The following SPATA13 variants were observed in gnomAD, a reference collection of about 807,000 sequenced individuals.
The protein encoded by SPATA13 is spermatogenesis-associated protein 13.
SPATA13 carries 50 observed loss-of-function variants against 104.0 expected under a neutral mutation model. The ratio of observed to expected loss-of-function variants is 0.48; its 90% CI spans 0.38 to 0.61. SPATA13 has a LOEUF of 0.61. SPATA13 is among the 20% of genes least tolerant of loss of function. The pLI is 0.00. For missense variants in SPATA13, 1,524 were observed against 1,690.6 expected (o/e 0.90, Z 1.73); for synonymous variants, 606 against 667.5 (o/e 0.91, Z 1.42).
At chr13:23,999,038 G>T (rs771293565) in intron 2 of SPATA13, among the ~76,000 whole-genome samples, 2 of 150,842 alleles carry the variant, frequency 1.3e-5, no homozygotes, top group Admixed American at 1.3e-4. Context: ...CAATTCTTAC[G>T]CCTCAGCCTC....
chr13:24,279,616 A>G (rs1158610590), intron 4 of SPATA13, among the ~76,000 whole-genome samples: 1 of 152,226 alleles, frequency 6.6e-6, no homozygotes, highest in Non-Finnish European at 1.5e-5. Context: ...AACTTGAATC[A>G]GATCTGCCAG....
intron 3 of SPATA13, among the ~76,000 whole-genome samples, chr13:24,121,901 G>T (rs1195108213): frequency 4.6e-5 from 7 of 151,920 alleles, no homozygotes; most frequent in African/African-American, 1.2e-4. Context: ...TTCTTTTCCA[G>T]TGCCAGGTTG....
chr13:23,988,245 C>A (rs569594764), intron 2 of SPATA13, among the ~76,000 whole-genome samples: 4 of 152,314 alleles, frequency 2.6e-5, no homozygotes, highest in African/African-American at 7.2e-5. Context: ...CTGCGCCCAG[C>A]CAATTTTGTT....
At chr13:24,181,981 G>C (rs1868846703) in intron 1 of SPATA13, among the ~76,000 whole-genome samples, 1 of 152,122 alleles carries the variant, frequency 6.6e-6, no homozygotes, top group Admixed American at 6.5e-5. Context: ...CGGATGTGGT[G>C]GCACTCTCCT....
At chr13:23,989,514 A>G (rs1415230869) in intron 2 of SPATA13, among the ~76,000 whole-genome samples, 2 of 152,196 alleles carry the variant, frequency 1.3e-5, no homozygotes, top group Non-Finnish European at 2.9e-5. Flanking sequence ...AACCCAAAAT[A>G]GCGTATTATT....
At chr13:24,189,691 A>AAAG (rs1566140430) in intron 1 of SPATA13, among the ~76,000 whole-genome samples, 1 of 14,198 alleles carries the variant, frequency 7.0e-5, no homozygotes, top group Admixed American at 1.7e-3. Context: ...TTTATATATA[A>AAAG]TATATAATAT....
intron 3 of SPATA13, 65 bp from the exon 4 acceptor site, chr13:24,251,653 G>T: frequency 6.3e-7 from 1 of 1,593,606 alleles, no homozygotes; most frequent in South Asian, 1.1e-5. Flanking sequence ...CGCTATGCGT[G>T]TGAGGTGCTT....
chr13:24,237,984 CATGTATAAT>C (rs1300406000), intron 2 of SPATA13, among the ~76,000 whole-genome samples: 589 of 144,740 alleles, frequency 4.1e-3, no homozygotes, highest in Admixed American at 5.2e-3. Context: ...AATATATAAA[CATGTATAAT>C]ATATATATAT....
At chr13:23,995,863 G>A (rs941133878) in intron 2 of SPATA13, among the ~76,000 whole-genome samples, 4 of 152,094 alleles carry the variant, frequency 2.6e-5, no homozygotes, top group African/African-American at 7.2e-5. Flanking sequence ...CTTGAACTGC[G>A]TGGAGGAAGT....
At chr13:24,217,804 G>A (rs1871340602) in intron 1 of SPATA13, among the ~76,000 whole-genome samples, 1 of 152,166 alleles carries the variant, frequency 6.6e-6, no homozygotes, top group African/African-American at 2.4e-5. Flanking sequence ...GAGCTTCCCA[G>A]CAGGGCTGGA....
At chr13:24,036,013 CAAAA>C (rs56837096) in intron 3 of SPATA13, among the ~76,000 whole-genome samples, 5 of 112,542 alleles carry the variant, frequency 4.4e-5, no homozygotes, top group Admixed American at 8.6e-5. Flanking sequence ...GACCCTGTCT[CAAAA>C]AAAAAAAAAA....
At chr13:24,280,508 G>A (rs1875418598) in intron 4 of SPATA13, among the ~76,000 whole-genome samples, 1 of 133,958 alleles carries the variant, frequency 7.5e-6, no homozygotes, top group Non-Finnish European at 1.6e-5. Flanking sequence ...TTTTTTTTTG[G>A]CTCAACCACG....
chr13:24,055,212 C>T (rs1000941350), intron 3 of SPATA13, among the ~76,000 whole-genome samples: 1 of 152,204 alleles, frequency 6.6e-6, no homozygotes, highest in Non-Finnish European at 1.5e-5. Flanking sequence ...TAAATGACAT[C>T]AGTTTCTATC....
chr13:24,087,605 T>C (rs1240660202), intron 3 of SPATA13, among the ~76,000 whole-genome samples: 2 of 152,110 alleles, frequency 1.3e-5, no homozygotes, highest in Non-Finnish European at 2.9e-5. Context: ...CAGTGAACAG[T>C]GGGGCGAACT....
At chr13:24,242,549 T>C (rs1249668308) in intron 2 of SPATA13, among the ~76,000 whole-genome samples, 1 of 152,254 alleles carries the variant, frequency 6.6e-6, no homozygotes, top group African/African-American at 2.4e-5. Flanking sequence ...TCTCGCTTGC[T>C]CTTATCTTTC....
At chr13:23,988,459 T>C (rs2137655480) in intron 2 of SPATA13, among the ~76,000 whole-genome samples, 1 of 152,352 alleles carries the variant, frequency 6.6e-6, no homozygotes, top group South Asian at 2.1e-4. Flanking sequence ...TCCATGCTTC[T>C]ATGAATAACT....
intron 3 of SPATA13, among the ~76,000 whole-genome samples, chr13:24,087,402 A>T (rs1879767450): frequency 6.6e-6 from 1 of 152,192 alleles, no homozygotes; most frequent in Non-Finnish European, 1.5e-5. Flanking sequence ...AGAATCAAAC[A>T]CTTATGTTTC....
intron 1 of SPATA13, among the ~76,000 whole-genome samples, chr13:24,166,662 T>C (rs757655965): frequency 1.4e-4 from 22 of 152,054 alleles, no homozygotes; most frequent in Non-Finnish European, 2.6e-4. Flanking sequence ...GTTCTGTGAG[T>C]GGGGCCCAGC....
At chr13:24,092,332 T>C (rs759994485) in intron 3 of SPATA13, among the ~76,000 whole-genome samples, 1 of 152,212 alleles carries the variant, frequency 6.6e-6, no homozygotes, top group Non-Finnish European at 1.5e-5. Context: ...GATAAAACAC[T>C]AGATATTTAT....
Sources: allele counts gnomAD v4.1 joint callset (sites outside exome capture counted in the v4.1 genomes callset), GRCh38; gene constraint gnomAD v4.1.1; transcripts MANE v1.5; gene names NCBI Gene and HGNC (gene_info 2026-07-23, HGNC 2026-07-21).